The following CLRN1 variants were observed in gnomAD, a reference collection of about 807,000 sequenced individuals.
CLRN1 encodes clarin-1.
CLRN1 carries 15 observed loss-of-function variants against 18.7 expected under a neutral mutation model. The ratio of observed to expected loss-of-function variants is 0.80; its 90% CI spans 0.54 to 1.23. The LOEUF is 1.23. Among genes scored for constraint, CLRN1 ranks in the 50% most tolerant of loss-of-function variants. The pLI is 0.00. For synonymous variants in CLRN1, 104 were observed against 102.9 expected (o/e 1.01, Z -0.07); for missense variants, 311 against 277.5 (o/e 1.12, Z -0.86).
intron 1 of CLRN1, among the ~76,000 whole-genome samples, chr3:150,942,259 C>G (rs1002685529): frequency 2.6e-5 from 4 of 152,080 alleles, no homozygotes; most frequent in African/African-American, 9.7e-5. Context: ...TATTTTCAGT[C>G]AACTTCAATA....
At chr3:150,944,674 G>A (rs1714069773) in intron 1 of CLRN1, among the ~76,000 whole-genome samples, 2 of 151,796 alleles carry the variant, frequency 1.3e-5, no homozygotes, top group South Asian at 4.2e-4. Context: ...AGAATTGCTT[G>A]AACCCAGGAG....
At chr3:150,945,707 A>G (rs748400418) in intron 1 of CLRN1, 326 of 1,183,564 alleles carry the variant, frequency 2.8e-4, no homozygotes, top group Middle Eastern at 1.4e-3. Context: ...AATGCACATT[A>G]AAACTTTGAG....
At chr3:150,934,374 A>G (rs1342471193) in intron 2 of CLRN1, among the ~76,000 whole-genome samples, 1 of 152,206 alleles carries the variant, frequency 6.6e-6, no homozygotes, top group Non-Finnish European at 1.5e-5. Context: ...AGCAGACACT[A>G]TATGTAAGAG....
intron 1 of CLRN1, among the ~76,000 whole-genome samples, chr3:150,953,770 G>A (rs377267057): frequency 5.9e-5 from 9 of 152,168 alleles, no homozygotes; most frequent in East Asian, 3.9e-4. Flanking sequence ...TGCCCACCTC[G>A]GCCTCCCACA....
chr3:150,938,143 G>A lies in CLRN1; in HGVS notation c.433+3439C>T, dbSNP rs75096878. Among the ~76,000 whole-genome samples the A allele has an allele frequency of 2.7e-3, 411 of 152,268 alleles. 1 individual carries two copies. Among genetic ancestry groups the A allele is most frequent in the African/African-American group, 8.8e-3 (366 of 41,550 alleles). ...GTAGGGAGGAGAAAAAGAGAAAAGA[G>A]GTCCAAGGAGGAAAGCATTTTTCTT... On this transcript the variant is annotated intron_variant, in intron 2 of 2. Transcript: ENST00000327047.
chr3:150,965,563 G>C (rs191415730), intron 1 of CLRN1, among the ~76,000 whole-genome samples: 1 of 152,096 alleles, frequency 6.6e-6, no homozygotes, highest in South Asian at 2.1e-4. Flanking sequence ...AAGTCCTTGG[G>C]GAAGATGAGT....
At chr3:150,949,823 A>C (rs894941886) in intron 1 of CLRN1, among the ~76,000 whole-genome samples, 8 of 152,210 alleles carry the variant, frequency 5.3e-5, no homozygotes, top group African/African-American at 1.4e-4. Context: ...TTTAAACTTC[A>C]TATGGTACCA....
chr3:150,969,292 A>AATATATATATATATATATAT (rs766087778), intron 1 of CLRN1, among the ~76,000 whole-genome samples: 52 of 61,400 alleles, frequency 8.5e-4, no homozygotes, highest in South Asian at 3.7e-3. Flanking sequence ...TGTGGCTTGT[A>AATATATATATATATATATAT]ATATATATAT....
chr3:150,960,072 T>C (rs73155710), intron 1 of CLRN1, among the ~76,000 whole-genome samples: 229 of 152,318 alleles, frequency 1.5e-3, no homozygotes, highest in Non-Finnish European at 3.0e-3. Context: ...ATGTGGCTTT[T>C]GGAGTTAGGA....
intron 1 of CLRN1, among the ~76,000 whole-genome samples, chr3:150,947,321 A>G (rs4680076): frequency 0.34 from 51,070 of 152,036 alleles, 8,798 homozygotes; most frequent in South Asian, 0.41. Context: ...AGGGCGTTAC[A>G]TAATGGTAAA....
At chr3:150,959,452 A>G (rs1714919235) in intron 1 of CLRN1, among the ~76,000 whole-genome samples, 1 of 152,108 alleles carries the variant, frequency 6.6e-6, no homozygotes, top group Non-Finnish European at 1.5e-5. Flanking sequence ...AACATGGTGA[A>G]ACCCCGTCTC....
At chr3:150,938,094 G>C (rs148312930) in intron 2 of CLRN1, among the ~76,000 whole-genome samples, 1 of 152,132 alleles carries the variant, frequency 6.6e-6, no homozygotes, top group Non-Finnish European at 1.5e-5. Flanking sequence ...AAGGAGCGGG[G>C]AAGCTTAGGG....
rs149620395 is a variant in CLRN1 at position 150,949,856 on chromosome 3, T to C, written c.254-8095A>G. Among the ~76,000 whole-genome samples the C allele has an allele frequency of 7.2e-5, 11 of 152,256 alleles. No individual in the cohort carries two copies. The East Asian group carries it at 2.1e-3, about 29-fold the overall frequency. ...CCAAAAAGAGCCCAAATGGCCAAGG[T>C]AATTCTAAGCAAAAAGAATAAAGCT... On this transcript the variant is annotated intron_variant, in intron 1 of 2. Transcript: ENST00000327047.
chr3:150,949,460 C>G (rs975812750), intron 1 of CLRN1, among the ~76,000 whole-genome samples: 2 of 152,110 alleles, frequency 1.3e-5, no homozygotes, highest in African/African-American at 4.8e-5. Context: ...TAAAAAACCC[C>G]CTAGTCTCAG....
intron 1 of CLRN1, among the ~76,000 whole-genome samples, chr3:150,959,358 G>C (rs1291065425): frequency 1.3e-5 from 2 of 152,164 alleles, no homozygotes; most frequent in Non-Finnish European, 2.9e-5. Context: ...GCCGGGCTTG[G>C]TGGCTCACGC....
At chr3:150,970,529 AG>A (rs1715482506) in intron 1 of CLRN1, among the ~76,000 whole-genome samples, 1 of 151,274 alleles carries the variant, frequency 6.6e-6, no homozygotes, top group Admixed American at 6.6e-5. Context: ...AAAAAAAAAA[AG>A]CTCTACTGTA....
chr3:150,964,943 T>C (rs573987857), intron 1 of CLRN1, among the ~76,000 whole-genome samples: 273 of 152,180 alleles, frequency 1.8e-3, no homozygotes, highest in Middle Eastern at 3.4e-3. Flanking sequence ...GAAAAATACC[T>C]AATGTAGATG....
intron 1 of CLRN1, among the ~76,000 whole-genome samples, chr3:150,957,699 C>T (rs1419916909): frequency 6.6e-6 from 1 of 152,166 alleles, no homozygotes; most frequent in Admixed American, 6.5e-5. Flanking sequence ...CGCTCTGTCG[C>T]CCAGGCTGGA....
At chr3:150,963,419 A>G (rs1032726595) in intron 1 of CLRN1, among the ~76,000 whole-genome samples, 31 of 152,216 alleles carry the variant, frequency 2.0e-4, no homozygotes, top group African/African-American at 7.0e-4. Context: ...AAGAAAGGAC[A>G]CAAACAAATG....
Sources: gnomAD v4.1 joint callset for allele counts (sites outside exome capture counted in the v4.1 genomes callset) on GRCh38, gnomAD v4.1.1 for gene constraint, MANE v1.5 for transcripts, NCBI Gene and HGNC (gene_info 2026-07-23, HGNC 2026-07-21) for gene names.